Variants in SCUBE1 observed in about 807,000 individuals in gnomAD.
The protein encoded by SCUBE1 is signal peptide, CUB domain and EGF like domain containing 1.
A neutral mutation model predicts 124.4 loss-of-function variants in SCUBE1; 59 were observed. That is an observed-to-expected ratio of 0.47 (90% CI 0.38 to 0.59). The LOEUF is 0.59. Among genes scored for constraint, SCUBE1 ranks in the 20% least tolerant of loss-of-function variants. The pLI is 0.00. For missense variants in SCUBE1, 1,150 were observed against 1,371.2 expected (o/e 0.84, Z 2.55); for synonymous variants, 545 against 550.9 (o/e 0.99, Z 0.15).
At chr22:43,285,986 C>T (rs1211056184) in intron 4 of SCUBE1, among the ~76,000 whole-genome samples, 1 of 152,220 alleles carries the variant, frequency 6.6e-6, no homozygotes, top group African/African-American at 2.4e-5. Context: ...TCCCCTCTCC[C>T]TCTGCTGAAT....
intron 3 of SCUBE1, among the ~76,000 whole-genome samples, chr22:43,319,053 T>C (rs1322034325): frequency 6.6e-6 from 1 of 152,176 alleles, no homozygotes; most frequent in Non-Finnish European, 1.5e-5. Flanking sequence ...GGCTTAAAAA[T>C]GTATTTGGAC....
intron 2 of SCUBE1, among the ~76,000 whole-genome samples, chr22:43,332,680 A>T (rs1302417117): frequency 6.6e-6 from 1 of 152,080 alleles, no homozygotes; most frequent in Non-Finnish European, 1.5e-5. Flanking sequence ...TTATCCTCAG[A>T]CTAGCTCTCT....
intron 10 of SCUBE1, 23 bp from the exon 11 acceptor site, chr22:43,223,239 G>C (rs777800941): frequency 3.2e-6 from 5 of 1,557,342 alleles, no homozygotes; most frequent in Admixed American, 4.4e-5. Flanking sequence ...ATACGAGAGA[G>C]GGCTGAGAGA....
At chr22:43,308,535 C>T (rs1280125070) in intron 3 of SCUBE1, among the ~76,000 whole-genome samples, 1 of 152,204 alleles carries the variant, frequency 6.6e-6, no homozygotes, top group Non-Finnish European at 1.5e-5. Flanking sequence ...AGCAGCAACT[C>T]GAGCCTTCGT....
intron 4 of SCUBE1, among the ~76,000 whole-genome samples, chr22:43,276,856 C>G (rs1924542753): frequency 6.6e-6 from 1 of 152,216 alleles, no homozygotes; most frequent in African/African-American, 2.4e-5. Context: ...AACAGGCGTG[C>G]AGGCCAGCTT....
At chr22:43,222,023 C>T (rs562766537) in intron 12 of SCUBE1, among the ~76,000 whole-genome samples, 38 of 152,292 alleles carry the variant, frequency 2.5e-4, no homozygotes, top group African/African-American at 8.4e-4. Flanking sequence ...GAGATCACGC[C>T]ACTGCACTCC....
intron 3 of SCUBE1, among the ~76,000 whole-genome samples, chr22:43,294,963 G>A (rs1209506413): frequency 6.6e-6 from 1 of 152,150 alleles, no homozygotes; most frequent in Non-Finnish European, 1.5e-5. Flanking sequence ...TCCACACCGG[G>A]GGCATTATTC....
At chr22:43,318,710 A>G (rs5996309) in intron 3 of SCUBE1, among the ~76,000 whole-genome samples, 81,842 of 151,998 alleles carry the variant, frequency 0.54, 22,268 homozygotes, top group Middle Eastern at 0.66. Flanking sequence ...TTGATTCAGC[A>G]AATGTGGACT....
At chr22:43,219,434 A>G (rs528873644) in intron 14 of SCUBE1, among the ~76,000 whole-genome samples, 1 of 151,978 alleles carries the variant, frequency 6.6e-6, no homozygotes, top group Non-Finnish European at 1.5e-5. Context: ...TAAATTATGC[A>G]GCCTCAGGTG....
intron 10 of SCUBE1, among the ~76,000 whole-genome samples, chr22:43,225,077 T>G (rs1247678836): frequency 6.6e-6 from 1 of 152,200 alleles, no homozygotes; most frequent in Non-Finnish European, 1.5e-5. Flanking sequence ...CATCATTTAA[T>G]AGCTTCTGCC....
rs532149605 is a variant in SCUBE1 at position 43,211,844 on chromosome 22, T to C, written c.2221+581A>G. On this transcript the variant is annotated intron_variant, in intron 17 of 21. Transcript: ENST00000360835. This position sits in a 1 kb window ranked among gnomAD's most constrained non-coding sequence, Gnocchi z 4.5. ...TGGCTTCTTTTTTTAAATGGGCAAATTCAGAACAGTTTGTATGTGCAGGGG... is the reference window on the plus strand; with the variant it reads ...TGGCTTCTTTTTTTAAATGGGCAAACTCAGAACAGTTTGTATGTGCAGGGG... Among the ~76,000 whole-genome samples the C allele has an allele frequency of 2.1e-4, 32 of 152,066 alleles. No homozygotes were observed. Among genetic ancestry groups the C allele is most frequent in the African/African-American group, 7.7e-4 (32 of 41,482 alleles).
At chr22:43,331,930 G>C (rs751627224) in intron 2 of SCUBE1, among the ~76,000 whole-genome samples, 1 of 152,130 alleles carries the variant, frequency 6.6e-6, no homozygotes, top group Non-Finnish European at 1.5e-5. Context: ...AAGGTCCAGA[G>C]GTAGGAACAA....
At chr22:43,301,540 C>G (rs549684419) in intron 3 of SCUBE1, among the ~76,000 whole-genome samples, 1 of 152,288 alleles carries the variant, frequency 6.6e-6, no homozygotes, top group African/African-American at 2.4e-5. Context: ...CTGCCTCCTC[C>G]TTCTCCTTCA....
chr22:43,311,027 C>T (rs1044392854), intron 3 of SCUBE1, among the ~76,000 whole-genome samples: 2 of 152,232 alleles, frequency 1.3e-5, no homozygotes, highest in Non-Finnish European at 2.9e-5. Context: ...GATCCTCCTA[C>T]CTTGGCCTCC....
At chr22:43,267,653 G>A (rs890922757) in intron 4 of SCUBE1, among the ~76,000 whole-genome samples, 1 of 152,210 alleles carries the variant, frequency 6.6e-6, no homozygotes, top group Non-Finnish European at 1.5e-5. Flanking sequence ...GACAGATAAA[G>A]CAACAGTGAC....
intron 21 of SCUBE1, among the ~76,000 whole-genome samples, chr22:43,205,679 A>C (rs1601790561): frequency 1.2e-5 from 1 of 85,538 alleles, no homozygotes; most frequent in Admixed American, 1.2e-4. Flanking sequence ...CCCACTCACC[A>C]CTCACTCACC....
chr22:43,211,069 C>T lies in SCUBE1; in HGVS notation c.2236G>A (p.Gly746Ser), dbSNP rs904493134. 6 of 1,611,478 alleles carry T rather than the reference C, an allele frequency of 3.7e-6. No individual in the cohort carries two copies. Among genetic ancestry groups the T allele is most frequent in the East Asian group, 4.5e-5 (2 of 44,812 alleles). ...DCEAKVHCSP[G>S]HHYNTTTHRC... ...TGGGTGGTGGTGTTGTAGTGGTGGCCGGGGGAGCAGTGCACTGCCGGGGGA... is the reference window on the plus strand; with the variant it reads ...TGGGTGGTGGTGTTGTAGTGGTGGCTGGGGGAGCAGTGCACTGCCGGGGGA... The change falls in exon 18 of 22, where the codon GGC (glycine) becomes AGC (serine). Residue 746 changes from glycine (G) to serine (S), a missense_variant. Gly to Ser is a moderately conservative substitution (Grantham distance 56). Coordinates refer to ENST00000360835, the MANE Select transcript of SCUBE1 (RefSeq NM_173050.5). This position sits in a 1 kb window ranked among gnomAD's most constrained non-coding sequence, Gnocchi z 4.5.
rs1013211058 is a variant in SCUBE1 at position 43,210,856 on chromosome 22, C to A, written c.2383+66G>T. On this transcript the variant is annotated intron_variant, in intron 18 of 21. Coordinates refer to ENST00000360835, the MANE Select transcript of SCUBE1 (RefSeq NM_173050.5). The surrounding 1 kb of genome is among the most constrained non-coding windows in gnomAD (Gnocchi z 4.5). ...GCTCGTGTGAGATCAGGTCTCCTCC[C>A]GCCCCCACAACCTGCCCAGCCCCTC... is the stretch of plus-strand genomic sequence containing the variant. 5.1e-6 allele frequency: 8 copies of A among 1,578,420 alleles called. No individual in the cohort carries two copies. The highest frequency in any genetic ancestry group is 5.0e-5 in the Admixed American group (3 of 59,558).
intron 2 of SCUBE1, among the ~76,000 whole-genome samples, chr22:43,328,178 C>T (rs1176425976): frequency 6.6e-6 from 1 of 152,296 alleles, no homozygotes; most frequent in East Asian, 1.9e-4. Flanking sequence ...TCAAAAATGC[C>T]CTGAAGCCCT....
Sources: gnomAD v4.1 joint callset for allele counts (sites outside exome capture counted in the v4.1 genomes callset) on GRCh38, gnomAD v4.1.1 for gene constraint, Gnocchi (gnomAD v3.1) non-coding constraint, MANE v1.5 for transcripts, NCBI Gene and HGNC (gene_info 2026-07-23, HGNC 2026-07-21) for gene names.